The following KCNC2 variants were observed in gnomAD, a reference collection of about 807,000 sequenced individuals.
KCNC2 encodes the protein potassium voltage-gated channel subfamily C member 2, also known as voltage-gated potassium channel KCNC2.
In KCNC2, 21 loss-of-function variants were observed where a neutral mutation model predicts 44.5. That is an observed-to-expected ratio of 0.47 (90% CI 0.33 to 0.68). KCNC2 has a LOEUF of 0.68. KCNC2 is among the 30% of genes least tolerant of loss of function. The probability of loss-of-function intolerance (pLI) is 0.01; values close to 1 mark genes in which losing one functional copy is unlikely to be tolerated. For synonymous variants in KCNC2, 391 were observed against 339.1 expected (o/e 1.15, Z -1.68); for missense variants, 589 against 826.2 (o/e 0.71, Z 3.52).
At chr12:75,179,604 G>C in intron 2 of KCNC2, among the ~76,000 whole-genome samples, 1 of 137,656 alleles carries the variant, frequency 7.3e-6, no homozygotes, top group Non-Finnish European at 1.6e-5. Flanking sequence ...ATAAAAATGT[G>C]TTTTATAAAA....
chr12:75,131,943 G>A (rs1295402967), intron 2 of KCNC2, among the ~76,000 whole-genome samples: 1 of 152,094 alleles, frequency 6.6e-6, no homozygotes, highest in East Asian at 1.9e-4. Context: ...ATAATAAATG[G>A]ATGTTATTTT....
At chr12:75,111,927 T>C (rs115686856) in intron 2 of KCNC2, among the ~76,000 whole-genome samples, 2,397 of 152,092 alleles carry the variant, frequency 0.016, 64 homozygotes, top group African/African-American at 0.053. Flanking sequence ...TTAAATATTC[T>C]CATTGATTAA....
intron 2 of KCNC2, among the ~76,000 whole-genome samples, chr12:75,075,357 A>T (rs184151899): frequency 1.3e-5 from 2 of 151,778 alleles, no homozygotes; most frequent in Non-Finnish European, 2.9e-5. Flanking sequence ...TTCAGAAAAA[A>T]AATACCCCTT....
chr12:75,116,113 C>T (rs1887642300), intron 2 of KCNC2, among the ~76,000 whole-genome samples: 1 of 152,060 alleles, frequency 6.6e-6, no homozygotes, highest in Middle Eastern at 3.2e-3. Context: ...ATGTTGTATG[C>T]ATTTTGCAGC....
chr12:75,064,304 C>G (rs1290400052), intron 2 of KCNC2, among the ~76,000 whole-genome samples: 1 of 151,942 alleles, frequency 6.6e-6, no homozygotes, highest in Non-Finnish European at 1.5e-5. Flanking sequence ...AATTCTAAAG[C>G]CAAAATCTCC....
chr12:75,070,970 A>C (rs1883341652), intron 2 of KCNC2, among the ~76,000 whole-genome samples: 1 of 151,950 alleles, frequency 6.6e-6, no homozygotes, highest in Non-Finnish European at 1.5e-5. Flanking sequence ...TAAATCTTTT[A>C]TTTATCTTGC....
chr12:75,075,416 C>G (rs532791308), intron 2 of KCNC2, among the ~76,000 whole-genome samples: 4 of 148,418 alleles, frequency 2.7e-5, no homozygotes, highest in African/African-American at 9.9e-5. Flanking sequence ...TTGAATGTCT[C>G]CAAATATTAA....
chr12:75,201,849 G>T (rs1436171375), intron 2 of KCNC2, among the ~76,000 whole-genome samples: 2 of 151,886 alleles, frequency 1.3e-5, no homozygotes, highest in Non-Finnish European at 2.9e-5. Flanking sequence ...TATATTGAAG[G>T]TTATTTTTTA....
At chr12:75,054,917 G>A (rs564009191) in intron 2 of KCNC2, among the ~76,000 whole-genome samples, 34 of 152,254 alleles carry the variant, frequency 2.2e-4, no homozygotes, top group African/African-American at 7.5e-4. Flanking sequence ...GACTTGGTGC[G>A]CTTTATCTGA....
intron 2 of KCNC2, among the ~76,000 whole-genome samples, chr12:75,165,725 T>C (rs1463200828): frequency 6.6e-6 from 1 of 151,444 alleles, no homozygotes; most frequent in African/African-American, 2.4e-5. Context: ...GATTATTCAG[T>C]TAAGCCTATT....
At chr12:75,141,259 A>G (rs185801960) in intron 2 of KCNC2, among the ~76,000 whole-genome samples, 1 of 152,158 alleles carries the variant, frequency 6.6e-6, no homozygotes, top group East Asian at 1.9e-4. Flanking sequence ...GTCAATACCC[A>G]TCTCTAGGGA....
chr12:75,180,694 T>A (rs901961862), intron 2 of KCNC2, among the ~76,000 whole-genome samples: 1 of 151,898 alleles, frequency 6.6e-6, no homozygotes, highest in Non-Finnish European at 1.5e-5. Flanking sequence ...GAGTTTGCTA[T>A]ATAATTTTTA....
intron 2 of KCNC2, among the ~76,000 whole-genome samples, chr12:75,105,006 A>G (rs1886666485): frequency 6.6e-6 from 1 of 152,220 alleles, no homozygotes; most frequent in South Asian, 2.1e-4. Flanking sequence ...AGATCAAAAA[A>G]TATAGAAGTC....
At chr12:75,055,931 T>A (rs17114523) in intron 2 of KCNC2, among the ~76,000 whole-genome samples, 24,670 of 152,006 alleles carry the variant, frequency 0.16, 2,210 homozygotes, top group Middle Eastern at 0.26. Flanking sequence ...TTAAAATGAG[T>A]GAAATTGAGC....
chr12:75,184,570 T>C (rs751649148), intron 2 of KCNC2, among the ~76,000 whole-genome samples: 9 of 152,172 alleles, frequency 5.9e-5, no homozygotes, highest in Admixed American at 2.0e-4. Context: ...ATTAACTTAA[T>C]TGACAGAGCT....
chr12:75,099,557 T>C (rs1008888008), intron 2 of KCNC2, among the ~76,000 whole-genome samples: 1 of 152,156 alleles, frequency 6.6e-6, no homozygotes, highest in African/African-American at 2.4e-5. Context: ...GGAGACATTA[T>C]TTAGATAATT....
At chr12:75,060,403 T>C (rs1882191497) in intron 2 of KCNC2, among the ~76,000 whole-genome samples, 1 of 152,078 alleles carries the variant, frequency 6.6e-6, no homozygotes, top group Admixed American at 6.6e-5. Context: ...ATTATGGCAC[T>C]CACCTGCTTA....
chr12:75,173,784 C>G (rs571537645), intron 2 of KCNC2, among the ~76,000 whole-genome samples: 1 of 151,792 alleles, frequency 6.6e-6, no homozygotes, highest in Admixed American at 6.6e-5. Context: ...AAAGTCATTA[C>G]TGCAATACTC....
chr12:75,171,956 A>G lies in KCNC2; in HGVS notation c.687+35341T>C, dbSNP rs150183753. 5.8e-3 allele frequency among the ~76,000 whole-genome samples: 877 copies of G among 151,848 alleles called. 18 individuals are homozygous for G. The highest frequency in any genetic ancestry group is 0.041 in the Admixed American group (621 of 15,208). ...TTATCTTTATCATTTGTTCTCTTCT[A>G]TTAAGGATGTTATCTGCAAACCTGC... On this transcript the variant is annotated intron_variant, in intron 2 of 4. Coordinates refer to ENST00000549446, the MANE Select transcript of KCNC2 (RefSeq NM_139137.4).
Sources: allele counts gnomAD v4.1 joint callset (sites outside exome capture counted in the v4.1 genomes callset), GRCh38; gene constraint gnomAD v4.1.1; transcripts MANE v1.5; gene names NCBI Gene and HGNC (gene_info 2026-07-23, HGNC 2026-07-21).